Variants in SLIT2 observed in about 807,000 individuals in gnomAD.
The protein encoded by SLIT2 is slit guidance ligand 2.
SLIT2 carries 41 observed loss-of-function variants against 185.7 expected under a neutral mutation model. The ratio of observed to expected loss-of-function variants is 0.22; its 90% CI spans 0.17 to 0.29. SLIT2 has a LOEUF of 0.29. SLIT2 is among the 10% of genes least tolerant of loss of function. The pLI, the probability that SLIT2 is intolerant of heterozygous loss-of-function variation, is 1.00. For missense variants in SLIT2, 1,571 were observed against 1,909.0 expected (o/e 0.82, Z 3.30); for synonymous variants, 693 against 680.2 (o/e 1.02, Z -0.29).
rs775329689 is a variant in SLIT2, at chr4:20,277,762, A to AAT, written c.395+8895_395+8896dup. 2.9e-3 allele frequency among the ~76,000 whole-genome samples: 428 copies of AAT among 146,868 alleles called. 1 individual carries two copies. The highest frequency in any genetic ancestry group is 0.026 in the Middle Eastern group (7 of 270). Reference sequence around the variant, plus strand: ...ATCATGATGTAGCTATATCCAAATTAATATATATATATATACACACACAAA... The same window carrying AAT: ...ATCATGATGTAGCTATATCCAAATTAATATATATATATATATACACACACAAA... On this transcript the variant is annotated intron_variant, in intron 4 of 36. Coordinates refer to ENST00000504154, the MANE Select transcript of SLIT2 (RefSeq NM_004787.4).
chr4:20,489,727 T>A (rs554297298), intron 8 of SLIT2, among the ~76,000 whole-genome samples: 2 of 151,946 alleles, frequency 1.3e-5, no homozygotes, highest in South Asian at 4.2e-4. Context: ...GAGATTGCAG[T>A]GAGCTGAGAT....
intron 33 of SLIT2, among the ~76,000 whole-genome samples, chr4:20,600,497 A>G (rs1728327418): frequency 7.4e-6 from 1 of 135,872 alleles, no homozygotes; most frequent in Non-Finnish European, 1.5e-5. Flanking sequence ...ATCTTGGCTC[A>G]CTGCAAGCTC....
chr4:20,410,658 A>G (rs1727176422), intron 4 of SLIT2, among the ~76,000 whole-genome samples: 1 of 152,068 alleles, frequency 6.6e-6, no homozygotes, highest in African/African-American at 2.4e-5. Context: ...TCCCAGTACC[A>G]TTTATTAAAT....
chr4:20,556,575 GTCTC>G (rs1169441543), intron 26 of SLIT2, among the ~76,000 whole-genome samples: 1 of 151,212 alleles, frequency 6.6e-6, no homozygotes, highest in Non-Finnish European at 1.5e-5. Flanking sequence ...TAAGTCCCCT[GTCTC>G]TCTCTCTCTC....
chr4:20,385,804 AAATG>A (rs1309225708), intron 4 of SLIT2, among the ~76,000 whole-genome samples: 1 of 152,144 alleles, frequency 6.6e-6, no homozygotes, highest in Non-Finnish European at 1.5e-5. Flanking sequence ...CAAAAGAAGA[AAATG>A]AACACAATTT....
intron 4 of SLIT2, among the ~76,000 whole-genome samples, chr4:20,378,533 A>G (rs1169558600): frequency 6.6e-6 from 1 of 152,172 alleles, no homozygotes; most frequent in East Asian, 1.9e-4. Context: ...GAAATATTGG[A>G]AGAATGTATC....
chr4:20,391,701 G>T (rs1439452454), intron 4 of SLIT2, among the ~76,000 whole-genome samples: 1 of 152,118 alleles, frequency 6.6e-6, no homozygotes, highest in African/African-American at 2.4e-5. Context: ...ATCTTTCTGA[G>T]TTGTAGGTTC....
chr4:20,353,363 T>G (rs570387304), intron 4 of SLIT2, among the ~76,000 whole-genome samples: 1 of 152,304 alleles, frequency 6.6e-6, no homozygotes, highest in East Asian at 1.9e-4. Flanking sequence ...GAAGAAACTT[T>G]CAGAAGACAT....
chr4:20,544,423 A>G (rs1036959102), intron 21 of SLIT2, among the ~76,000 whole-genome samples: 3 of 152,128 alleles, frequency 2.0e-5, no homozygotes, highest in Non-Finnish European at 4.4e-5. Context: ...ACCCTGTGCT[A>G]TCTACAGCAT....
intron 4 of SLIT2, among the ~76,000 whole-genome samples, chr4:20,424,668 C>G (rs1728417675): frequency 6.6e-6 from 1 of 152,024 alleles, no homozygotes; most frequent in African/African-American, 2.4e-5. Flanking sequence ...CACTAAGAAA[C>G]AAAGTCAATG....
At chr4:20,264,663 T>G (rs1472966753) in intron 3 of SLIT2, among the ~76,000 whole-genome samples, 1 of 151,864 alleles carries the variant, frequency 6.6e-6, no homozygotes, top group Non-Finnish European at 1.5e-5. Flanking sequence ...TTGTTAAGAA[T>G]CAGTGTTTCA....
intron 3 of SLIT2, among the ~76,000 whole-genome samples, chr4:20,264,885 G>A (rs979896709): frequency 6.6e-6 from 1 of 151,908 alleles, no homozygotes; most frequent in Non-Finnish European, 1.5e-5. Flanking sequence ...GATGTTGTGG[G>A]CAGATTCCAT....
chr4:20,389,277 C>G (rs901411438), intron 4 of SLIT2, among the ~76,000 whole-genome samples: 4 of 151,632 alleles, frequency 2.6e-5, no homozygotes, highest in Admixed American at 2.6e-4. Context: ...TATTGAAGAA[C>G]TAGCATATCA....
At chr4:20,523,304 TG>T (rs1720998189) in intron 12 of SLIT2, among the ~76,000 whole-genome samples, 1 of 152,160 alleles carries the variant, frequency 6.6e-6, no homozygotes, top group Non-Finnish European at 1.5e-5. Context: ...AGCTGTCGCA[TG>T]GTTCTGAGAA....
intron 6 of SLIT2, among the ~76,000 whole-genome samples, chr4:20,485,501 C>G (rs1174449803): frequency 6.6e-6 from 1 of 152,074 alleles, no homozygotes; most frequent in Non-Finnish European, 1.5e-5. Context: ...ACACATATTC[C>G]TGGATCTGCT....
chr4:20,289,757 A>G (rs13145838), intron 4 of SLIT2, among the ~76,000 whole-genome samples: 6,973 of 152,298 alleles, frequency 0.046, 240 homozygotes, highest in South Asian at 0.17. Flanking sequence ...CAGATGCTCA[A>G]TCAGTGTTTT....
chr4:20,490,858 T>A, intron 8 of SLIT2: 1 of 1,453,220 alleles, frequency 6.9e-7, no homozygotes, highest in Non-Finnish European at 9.3e-7. Context: ...TTTTTGTAGT[T>A]TAAGAGCTTG....
intron 4 of SLIT2, among the ~76,000 whole-genome samples, chr4:20,314,078 T>G (rs766125950): frequency 2.6e-5 from 4 of 152,264 alleles, no homozygotes; most frequent in Non-Finnish European, 5.9e-5. Flanking sequence ...ATAAGCATTT[T>G]TCTGCCAACC....
intron 4 of SLIT2, among the ~76,000 whole-genome samples, chr4:20,365,302 A>T (rs1284755732): frequency 1.3e-5 from 2 of 152,126 alleles, no homozygotes; most frequent in African/African-American, 4.8e-5. Context: ...GTCCACAGGG[A>T]GGCGGCCAGT....
Sources: allele counts gnomAD v4.1 joint callset (sites outside exome capture counted in the v4.1 genomes callset), GRCh38; gene constraint gnomAD v4.1.1; transcripts MANE v1.5; gene names NCBI Gene and HGNC (gene_info 2026-07-23, HGNC 2026-07-21).